The following CCDC30 variants were observed in gnomAD, a reference collection of about 807,000 sequenced individuals.
The protein encoded by CCDC30 is coiled-coil domain-containing protein 30.
CCDC30 carries 70 observed loss-of-function variants against 100.2 expected under a neutral mutation model. The ratio of observed to expected loss-of-function variants is 0.70; its 90% confidence interval spans 0.58 to 0.85. The LOEUF is 0.85. Among genes scored for constraint, CCDC30 ranks in the 40% least tolerant of loss-of-function variants. The pLI is 0.00. For synonymous variants in CCDC30, 233 were observed against 269.5 expected (o/e 0.86, Z 1.33); for missense variants, 652 against 771.2 (o/e 0.85, Z 1.83).
At chr1:42,542,089 A>G (rs921123973) in intron 6 of CCDC30, among the ~76,000 whole-genome samples, 1 of 152,240 alleles carries the variant, frequency 6.6e-6, no homozygotes, top group Admixed American at 6.5e-5. Flanking sequence ...AACATGGCTG[A>G]TTATTAAACT....
chr1:42,464,746 G>A (rs1643514977), intron 1 of CCDC30, among the ~76,000 whole-genome samples: 1 of 152,190 alleles, frequency 6.6e-6, no homozygotes, highest in South Asian at 2.1e-4. Context: ...TTCTTCTTCA[G>A]TATTCAGGTT....
chr1:42,649,031 A>AATCATATG (rs1648120554), intron 15 of CCDC30, among the ~76,000 whole-genome samples: 1 of 152,200 alleles, frequency 6.6e-6, no homozygotes, highest in East Asian at 1.9e-4. Flanking sequence ...ACGAATAATG[A>AATCATATG]ATCATATGAT....
intron 6 of CCDC30, among the ~76,000 whole-genome samples, chr1:42,553,652 T>TACACACACACACACACAC (rs60429759): frequency 1.2e-4 from 16 of 133,832 alleles, no homozygotes; most frequent in African/African-American, 1.7e-4. Flanking sequence ...TGAGATTCCA[T>TACACACACACACACACAC]ACACACACAC....
intron 11 of CCDC30, among the ~76,000 whole-genome samples, chr1:42,629,933 C>T (rs1451704398): frequency 6.7e-6 from 1 of 149,340 alleles, no homozygotes; most frequent in African/African-American, 2.5e-5. Context: ...TTCCTACACG[C>T]TCTTTAAGGC....
intron 6 of CCDC30, among the ~76,000 whole-genome samples, chr1:42,545,077 G>A (rs1645095007): frequency 7.0e-6 from 1 of 143,124 alleles, no homozygotes; most frequent in African/African-American, 2.6e-5. Context: ...AAACTCTGTA[G>A]ATCACATATT....
intron 6 of CCDC30, among the ~76,000 whole-genome samples, chr1:42,553,714 A>G (rs559533640): frequency 6.0e-5 from 9 of 151,092 alleles, no homozygotes; most frequent in South Asian, 2.1e-4. Context: ...GCATTTTCCC[A>G]GTCTTAATGT....
In CCDC30 at chr1:42,615,330, C is replaced by T. The variant is rs1355114181; in HGVS notation, c.1277+4240C>T. ...TTGTTTTTTGAGACAGGATCTCACT[C>T]TCTTGCCCAGACTCTGGAGTGCAGT... On this transcript the variant is annotated intron_variant, in intron 11 of 16. Transcript: ENST00000668663. Among the ~76,000 whole-genome samples, 6 of 152,184 alleles carry T rather than the reference C, an allele frequency of 3.9e-5. No homozygotes were observed. The East Asian group carries it at 9.6e-4, about 24-fold the overall frequency.
At chr1:42,616,766 C>G (rs1051194640) in intron 11 of CCDC30, among the ~76,000 whole-genome samples, 1 of 152,164 alleles carries the variant, frequency 6.6e-6, no homozygotes, top group African/African-American at 2.4e-5. Flanking sequence ...CCAATAGTAG[C>G]GACAAATAGC....
At chr1:42,562,171 A>G (rs1161149019) in intron 6 of CCDC30, among the ~76,000 whole-genome samples, 1 of 152,180 alleles carries the variant, frequency 6.6e-6, no homozygotes, top group Admixed American at 6.5e-5. Context: ...AAAAAGAACA[A>G]AGCTGGAGGC....
chr1:42,623,296 A>G (rs1227691751), intron 11 of CCDC30, among the ~76,000 whole-genome samples: 1 of 152,178 alleles, frequency 6.6e-6, no homozygotes. Flanking sequence ...GTATTACTCA[A>G]GAAATTTTCT....
chr1:42,611,576 A>G (rs760316426), intron 11 of CCDC30, among the ~76,000 whole-genome samples: 7 of 151,118 alleles, frequency 4.6e-5, no homozygotes, highest in African/African-American at 7.3e-5. Flanking sequence ...ATACATACAT[A>G]TATGTATATC....
At chr1:42,494,019 G>C (rs72637935) in intron 4 of CCDC30, among the ~76,000 whole-genome samples, 30,474 of 152,072 alleles carry the variant, frequency 0.2, 3,337 homozygotes, top group South Asian at 0.42. Flanking sequence ...TTCAAGACCA[G>C]CCTGGTGAGC....
intron 15 of CCDC30, 141 bp from the exon 20 acceptor site, chr1:42,653,235 T>C: frequency 2.2e-6 from 1 of 453,742 alleles, no homozygotes; most frequent in East Asian, 3.7e-5. Context: ...AACCAGCTTT[T>C]CATTCTGTAC....
At chr1:42,577,267 A>T in intron 8 of CCDC30, 38 bp downstream of exon 12, 5 of 1,259,510 alleles carry the variant, frequency 4.0e-6, no homozygotes, top group Non-Finnish European at 5.8e-6. Context: ...CATACACTGA[A>T]TACCACTACT....
intron 1 of CCDC30, chr1:42,473,363 T>A: frequency 1.1e-6 from 1 of 939,904 alleles, no homozygotes; most frequent in Non-Finnish European, 1.4e-6. Flanking sequence ...TGCCCTTCAT[T>A]AAATTGACAT....
intron 4 of CCDC30, among the ~76,000 whole-genome samples, chr1:42,495,436 G>T (rs543355860): frequency 6.6e-6 from 1 of 151,478 alleles, no homozygotes; most frequent in African/African-American, 2.4e-5. Flanking sequence ...CAGCACACCA[G>T]CATGTCACAT....
intron 6 of CCDC30, among the ~76,000 whole-genome samples, chr1:42,563,941 AG>A (rs1049954527): frequency 6.6e-6 from 1 of 151,260 alleles, no homozygotes; most frequent in Non-Finnish European, 1.5e-5. Context: ...TTTTTTTCCT[AG>A]GGATCTTGCA....
At chr1:42,625,171 T>C (rs1570283590) in intron 11 of CCDC30, among the ~76,000 whole-genome samples, 1 of 152,190 alleles carries the variant, frequency 6.6e-6, no homozygotes, top group East Asian at 1.9e-4. Context: ...TTACTGAATT[T>C]AGTTGCTCAT....
chr1:42,545,162 T>TA (rs57060353), intron 6 of CCDC30, among the ~76,000 whole-genome samples: 5,968 of 64,260 alleles, frequency 0.093, 393 homozygotes, highest in African/African-American at 0.1. Flanking sequence ...AAAATACCTT[T>TA]AAAAAAAAAA....
Sources: gnomAD v4.1 joint callset for allele counts (sites outside exome capture counted in the v4.1 genomes callset) on GRCh38, gnomAD v4.1.1 for gene constraint, MANE v1.5 for transcripts, NCBI Gene and HGNC (gene_info 2026-07-23, HGNC 2026-07-21) for gene names.